The following TEKT5 variants were observed in gnomAD, a reference collection of about 807,000 sequenced individuals.
TEKT5 encodes tektin-5.
TEKT5 carries 52 observed loss-of-function variants against 48.7 expected under a neutral mutation model. That is an observed-to-expected ratio of 1.07 (90% CI 0.86 to 1.35). The LOEUF (loss-of-function observed/expected upper bound fraction) is 1.35. TEKT5 is among the 40% of genes most tolerant of loss of function. The pLI is 0.00. For synonymous variants in TEKT5, 318 were observed against 267.6 expected, an observed-to-expected ratio of 1.19 and a Z score of -1.84; for missense variants, 831 against 641.6, an observed-to-expected ratio of 1.30 and a Z score of -3.19.
chr16:10,656,386 G>A (rs1247566470), intron 5 of TEKT5, among the ~76,000 whole-genome samples: 1 of 151,994 alleles, frequency 6.6e-6, no homozygotes, highest in African/African-American at 2.4e-5. Flanking sequence ...TGAGTACCTG[G>A]GACTACAGGC....
chr16:10,660,703 GTT>G (rs1420558490), intron 5 of TEKT5, among the ~76,000 whole-genome samples: 12 of 123,844 alleles, frequency 9.7e-5, no homozygotes, highest in African/African-American at 3.4e-4. Context: ...GTGTGTGTGT[GTT>G]ATTTATTTAT....
chr16:10,646,948 C>T (rs1898079062), intron 5 of TEKT5, among the ~76,000 whole-genome samples: 1 of 152,228 alleles, frequency 6.6e-6, no homozygotes, highest in Non-Finnish European at 1.5e-5. Flanking sequence ...CTTCAGAAAC[C>T]TCCCCTTTGT....
chr16:10,682,190 C>T (rs1898768960), intron 3 of TEKT5, 54 bp from the exon 4 acceptor site: 1 of 1,587,294 alleles, frequency 6.3e-7, no homozygotes, highest in Admixed American at 1.7e-5. Context: ...GAGTACCCAG[C>T]TTGGGCCACA....
chr16:10,635,664 A>G, intron 6 of TEKT5, 100 bp downstream of exon 6: 1 of 1,513,906 alleles, frequency 6.6e-7, no homozygotes. Context: ...AGGAGGGTCC[A>G]TTTTTCAGAC....
chr16:10,657,698 T>A (rs931486366), intron 5 of TEKT5, among the ~76,000 whole-genome samples: 2 of 151,194 alleles, frequency 1.3e-5, no homozygotes, highest in African/African-American at 4.9e-5. Flanking sequence ...CATGCCATTC[T>A]CCTGCCTCAG....
chr16:10,662,323 G>A (rs897329553), intron 5 of TEKT5, among the ~76,000 whole-genome samples: 34 of 152,296 alleles, frequency 2.2e-4, no homozygotes, highest in South Asian at 4.1e-4. Flanking sequence ...TATTACTGTT[G>A]TCATAAGGCT....
In TEKT5 at chr16:10,647,815, A is replaced by G. The variant is rs138185930; in HGVS notation, c.1087-11897T>C. On this transcript the variant is annotated intron_variant, in intron 5 of 6. Transcript: ENST00000283025. ...CATTCATCCACAGAGTCATTGATTCATATGTCAGTGCAACAAATGTTCGTT... is the reference window on the plus strand; with the variant it reads ...CATTCATCCACAGAGTCATTGATTCGTATGTCAGTGCAACAAATGTTCGTT... Among the ~76,000 whole-genome samples the G allele has an allele frequency of 2.0e-3, 299 of 152,354 alleles. 1 individual carries two copies. Among genetic ancestry groups the G allele is most frequent in the Non-Finnish European group, 2.0e-3 (138 of 68,040 alleles).
chr16:10,690,048 C>G (rs369356358), intron 1 of TEKT5, 23 bp from the exon 2 acceptor site: 1 of 1,611,094 alleles, frequency 6.2e-7, no homozygotes, highest in South Asian at 1.1e-5. Flanking sequence ...GCAGAAAGAA[C>G]GTATTCTTCC....
At chr16:10,658,134 G>C (rs1386433401) in intron 5 of TEKT5, among the ~76,000 whole-genome samples, 1 of 152,152 alleles carries the variant, frequency 6.6e-6, no homozygotes. Flanking sequence ...TGTTGACTAG[G>C]ATGCAGAGAA....
At position 10,644,444 on chromosome 16, in the gene TEKT5, T is replaced by C. The variant is rs79201555; in HGVS notation, c.1087-8526A>G. ...ATTATCTATGCAGATCCTTGAGCCCTACACACTTACTGCATCCAAATCTCA... is the reference window on the plus strand; with the variant it reads ...ATTATCTATGCAGATCCTTGAGCCCCACACACTTACTGCATCCAAATCTCA... On this transcript the variant is annotated intron_variant, in intron 5 of 6. Transcript: ENST00000283025. Among the ~76,000 whole-genome samples, 952 of 152,338 alleles carry C rather than the reference T, an allele frequency of 6.2e-3. 14 individuals are homozygous for C. Among genetic ancestry groups the C allele is most frequent in the Non-Finnish European group, 7.2e-3 (487 of 68,024 alleles).
chr16:10,678,079 T>C (rs1898680422), intron 4 of TEKT5, among the ~76,000 whole-genome samples: 1 of 152,142 alleles, frequency 6.6e-6, no homozygotes, highest in Non-Finnish European at 1.5e-5. Context: ...GGTTTTCTCA[T>C]CTGGGAAGGC....
chr16:10,659,844 GT>G (rs1474992353), intron 5 of TEKT5, among the ~76,000 whole-genome samples: 1 of 152,178 alleles, frequency 6.6e-6, no homozygotes, highest in African/African-American at 2.4e-5. Context: ...ACAGGGTTTT[GT>G]TTTGGGGTGA....
At chr16:10,637,313 C>T (rs908611376) in intron 5 of TEKT5, among the ~76,000 whole-genome samples, 2 of 149,580 alleles carry the variant, frequency 1.3e-5, no homozygotes, top group Non-Finnish European at 3.0e-5. Context: ...TGGGATTACA[C>T]GCATGAGCCA....
chr16:10,652,783 C>A (rs112223738), intron 5 of TEKT5, among the ~76,000 whole-genome samples: 1 of 110,228 alleles, frequency 9.1e-6, no homozygotes, highest in Admixed American at 8.9e-5. Context: ...CACACACACA[C>A]ACACACACAC....
chr16:10,674,148 C>A (rs1898599725), intron 5 of TEKT5, among the ~76,000 whole-genome samples: 1 of 152,092 alleles, frequency 6.6e-6, no homozygotes, highest in African/African-American at 2.4e-5. Context: ...ATCCCGGACG[C>A]TTCCTTTGCC....
chr16:10,683,896 A>G (rs1385235378), intron 3 of TEKT5, among the ~76,000 whole-genome samples: 1 of 152,220 alleles, frequency 6.6e-6, no homozygotes, highest in Non-Finnish European at 1.5e-5. Context: ...CCTGGCCTAA[A>G]ATCACTTTAA....
chr16:10,631,804 G>A (rs1897845331), intron 6 of TEKT5, among the ~76,000 whole-genome samples: 1 of 152,210 alleles, frequency 6.6e-6, no homozygotes, highest in South Asian at 2.1e-4. Flanking sequence ...AGCTGGGAGA[G>A]TGGAAGGGAA....
chr16:10,688,574 G>A lies in TEKT5; in HGVS notation c.719+679C>T, dbSNP rs1287911573. 3.3e-5 allele frequency among the ~76,000 whole-genome samples: 5 copies of A among 152,192 alleles called. No homozygotes were observed. In the East Asian group the frequency reaches 5.8e-4, roughly 18 times the overall value. On this transcript the variant is annotated intron_variant, in intron 3 of 6. Transcript: ENST00000283025. The stretch of plus-strand genomic sequence containing the variant: ...GAAGTGGAAAAACCAGCAGAGCAGC[G>A]TGCCCTGAAAGAGTCAAAGGTGAGT...
rs542510844 is a variant in TEKT5, at chr16:10,659,079, C to A, written c.1086+16880G>T. On this transcript the variant is annotated intron_variant, in intron 5 of 6. Transcript: ENST00000283025. ...TGCATTGAAGGATGTTTAGTAGCAT[C>A]CCTGGTCTCTACCCACTAAATGCCA... Among the ~76,000 whole-genome samples the A allele has an allele frequency of 5.3e-5, 8 of 152,270 alleles. No homozygotes were observed. In the East Asian group the frequency reaches 1.5e-3, roughly 29 times the overall value.
Sources: gnomAD v4.1 joint callset for allele counts (sites outside exome capture counted in the v4.1 genomes callset) on GRCh38, gnomAD v4.1.1 for gene constraint, MANE v1.5 for transcripts, NCBI Gene and HGNC (gene_info 2026-07-23, HGNC 2026-07-21) for gene names.